Variants in CSGALNACT1 observed in about 807,000 individuals in gnomAD.
The protein encoded by CSGALNACT1 is beta4GalNAcT-1.
CSGALNACT1 carries 52 observed loss-of-function variants against 51.0 expected under a neutral mutation model. That is an observed-to-expected ratio of 1.02 (90% CI 0.82 to 1.29). CSGALNACT1 has a LOEUF of 1.29. Ranked by LOEUF, CSGALNACT1 falls within the 50% of genes most tolerant of loss-of-function variation. The probability of loss-of-function intolerance (pLI) is 0.00; values close to 1 mark genes in which losing one functional copy is unlikely to be tolerated. For synonymous variants in CSGALNACT1, 341 were observed against 254.4 expected (o/e 1.34, Z -3.24); for missense variants, 935 against 679.2 (o/e 1.38, Z -4.19).
chr8:19,439,231 C>G (rs924981780), intron 6 of CSGALNACT1, among the ~76,000 whole-genome samples: 6 of 152,222 alleles, frequency 3.9e-5, no homozygotes, highest in African/African-American at 1.4e-4. Flanking sequence ...AATTGATCAA[C>G]TAGGTATAAA....
intron 1 of CSGALNACT1, among the ~76,000 whole-genome samples, chr8:19,614,826 G>A (rs916477841): frequency 2.6e-5 from 4 of 152,206 alleles, no homozygotes; most frequent in African/African-American, 4.8e-5. Context: ...TCTGCTACAC[G>A]GTGCTGCCCT....
intron 3 of CSGALNACT1, among the ~76,000 whole-genome samples, chr8:19,526,961 G>T (rs1035983944): frequency 6.6e-6 from 1 of 152,184 alleles, no homozygotes; most frequent in Non-Finnish European, 1.5e-5. Context: ...CTATGTTAAA[G>T]TCTCATTCAG....
At chr8:19,644,979 C>T (rs1589237235) in intron 1 of CSGALNACT1, among the ~76,000 whole-genome samples, 1 of 151,950 alleles carries the variant, frequency 6.6e-6, no homozygotes, top group Non-Finnish European at 1.5e-5. Context: ...GGCCAAGAAA[C>T]AAATTTAAGA....
chr8:19,546,722 T>C (rs568427509), intron 3 of CSGALNACT1, among the ~76,000 whole-genome samples: 1 of 152,200 alleles, frequency 6.6e-6, no homozygotes, highest in Admixed American at 6.5e-5. Flanking sequence ...CACAGAAATG[T>C]AATAAACAAA....
intron 4 of CSGALNACT1, among the ~76,000 whole-genome samples, chr8:19,471,572 C>A (rs1165061438): frequency 1.1e-4 from 16 of 152,140 alleles, no homozygotes; most frequent in Admixed American, 1.0e-3. Flanking sequence ...GCGGCAAGGA[C>A]TGAAGTTGCT....
intron 1 of CSGALNACT1, among the ~76,000 whole-genome samples, chr8:19,680,077 T>A (rs1450856658): frequency 6.6e-6 from 1 of 152,160 alleles, no homozygotes; most frequent in Non-Finnish European, 1.5e-5. Flanking sequence ...GGAAATATAC[T>A]TCCCCACAGG....
chr8:19,452,997 G>A (rs1434426832), intron 5 of CSGALNACT1, among the ~76,000 whole-genome samples: 2 of 152,168 alleles, frequency 1.3e-5, no homozygotes, highest in East Asian at 3.8e-4. Context: ...GAGAGCCAAG[G>A]AGAATCCACC....
intron 1 of CSGALNACT1, among the ~76,000 whole-genome samples, chr8:19,637,012 A>T (rs1480072892): frequency 6.7e-6 from 1 of 150,188 alleles, no homozygotes; most frequent in Non-Finnish European, 1.5e-5. Flanking sequence ...CAACATGGAG[A>T]AACCCTGTTC....
intron 9 of CSGALNACT1, among the ~76,000 whole-genome samples, chr8:19,406,349 T>C (rs1198783224): frequency 1.3e-5 from 2 of 152,028 alleles, no homozygotes; most frequent in East Asian, 1.9e-4. Flanking sequence ...GCAATGCTAA[T>C]GAACAGCCCC....
chr8:19,657,768 G>C (rs993973870), intron 1 of CSGALNACT1, among the ~76,000 whole-genome samples: 6 of 152,158 alleles, frequency 3.9e-5, no homozygotes, highest in Non-Finnish European at 7.4e-5. Context: ...GATGAGGACA[G>C]ACGTAGCATG....
chr8:19,507,715 C>T (rs1193630759), intron 3 of CSGALNACT1, among the ~76,000 whole-genome samples: 2 of 152,148 alleles, frequency 1.3e-5, no homozygotes, highest in Non-Finnish European at 2.9e-5. Context: ...GCCATCTCTG[C>T]CTCCTGGGTT....
intron 5 of CSGALNACT1, 56 bp downstream of exon 4, chr8:19,458,370 T>A: frequency 1.5e-6 from 2 of 1,337,846 alleles, no homozygotes; most frequent in Admixed American, 1.7e-5. Flanking sequence ...GGAAATGATA[T>A]CAGTGTTCTA....
chr8:19,637,924 AC>A (rs1441143757), intron 1 of CSGALNACT1, among the ~76,000 whole-genome samples: 1 of 152,112 alleles, frequency 6.6e-6, no homozygotes, highest in Non-Finnish European at 1.5e-5. Flanking sequence ...GATGGGTTAA[AC>A]AGGTCCCTTC....
At chr8:19,699,276 C>T (rs113085900) in intron 1 of CSGALNACT1, among the ~76,000 whole-genome samples, 317 of 152,250 alleles carry the variant, frequency 2.1e-3, no homozygotes, top group African/African-American at 7.4e-3. Context: ...ATGCAGAACC[C>T]ACAAGGCCAA....
intron 4 of CSGALNACT1, among the ~76,000 whole-genome samples, chr8:19,465,172 A>G (rs1027160596): frequency 6.6e-6 from 1 of 152,350 alleles, no homozygotes; most frequent in African/African-American, 2.4e-5. Context: ...CTTAACAAGC[A>G]TGGAAATTCG....
At chr8:19,489,864 C>T (rs1251707186) in intron 4 of CSGALNACT1, among the ~76,000 whole-genome samples, 2 of 152,152 alleles carry the variant, frequency 1.3e-5, no homozygotes, top group African/African-American at 2.4e-5. Context: ...GCTGAGCTGA[C>T]ATCTATCAGC....
intron 4 of CSGALNACT1, among the ~76,000 whole-genome samples, chr8:19,487,736 A>G (rs1229705911): frequency 6.6e-6 from 1 of 152,110 alleles, no homozygotes; most frequent in Non-Finnish European, 1.5e-5. Flanking sequence ...GCAGACTGAG[A>G]TATCCTTCCC....
chr8:19,656,094 G>A (rs1325128717), intron 1 of CSGALNACT1, among the ~76,000 whole-genome samples: 2 of 152,114 alleles, frequency 1.3e-5, no homozygotes, highest in African/African-American at 4.8e-5. Flanking sequence ...ACAACTCTGG[G>A]AACTCCATTC....
chr8:19,509,490 G>A (rs778817970), intron 3 of CSGALNACT1, among the ~76,000 whole-genome samples: 3 of 151,790 alleles, frequency 2.0e-5, no homozygotes, highest in Non-Finnish European at 2.9e-5. Context: ...ATCGTGGTGC[G>A]TGCAGCCTGT....
Sources: allele counts gnomAD v4.1 joint callset (sites outside exome capture counted in the v4.1 genomes callset), GRCh38; gene constraint gnomAD v4.1.1; transcripts MANE v1.5; gene names NCBI Gene and HGNC (gene_info 2026-07-23, HGNC 2026-07-21).